CCRL2: variants seen among roughly 807,000 people sequenced by gnomAD.
The protein encoded by CCRL2 is C-C motif chemokine receptor like 2.
For synonymous variants in CCRL2, 181 were observed against 165.6 expected, an observed-to-expected ratio of 1.09 and a Z score of -0.71; for missense variants, 451 against 412.4, an observed-to-expected ratio of 1.09 and a Z score of -0.81.
Position 46,407,462 on chromosome 3 carries a change from C to G in CCRL2, c.-53C>G. On this transcript the variant is annotated 5_prime_UTR_variant, in exon 1 of 2. Coordinates refer to ENST00000399036, the MANE Select transcript of CCRL2 (RefSeq NM_003965.5). Reference sequence around the variant, plus strand: ...TTCCCACAGCTCCCGGATGCTGGGTCTGGAGGCTGCGCCCTTCCCCTGCAG... The same window carrying G: ...TTCCCACAGCTCCCGGATGCTGGGTGTGGAGGCTGCGCCCTTCCCCTGCAG... 3.5e-6 allele frequency: 2 copies of G among 575,368 alleles called. No homozygotes were observed. The highest frequency in any genetic ancestry group is 4.5e-5 in the South Asian group (2 of 44,612). 35.6% of individuals were successfully genotyped at this position (575,368 alleles called of 1,614,324 possible).
At position 46,409,034 on chromosome 3, in the gene CCRL2, A is replaced by G. The variant is rs760595211; in HGVS notation, c.955A>G (p.Ser319Gly). The change falls in exon 2 of 2, where the codon AGT becomes GGT. Residue 319 changes from serine to glycine, a missense_variant. Physicochemically the swap from Ser to Gly is moderately conservative, Grantham distance 56. Coordinates refer to ENST00000399036, the MANE Select transcript of CCRL2 (RefSeq NM_003965.5). ...KYLCRCFHLR[S>G]NTPLQPRGQS... ...CCTCTGCCGCTGTTTCCATCTGCGTAGTAACACCCCACTTCAACCCAGGGG... is the reference window on the plus strand; with the variant it reads ...CCTCTGCCGCTGTTTCCATCTGCGTGGTAACACCCCACTTCAACCCAGGGG... 3 of 1,614,214 alleles carry G rather than the reference A, an allele frequency of 1.9e-6. No homozygotes were observed. The highest frequency in any genetic ancestry group is 2.5e-6 in the Non-Finnish European group (3 of 1,180,032).
In CCRL2 at chr3:46,408,379, T is replaced by C. The variant is rs1434916705; in HGVS notation, c.300T>C (p.Asp100=). ...TLPFWAHAGG[D]PMCKILIGLY... ...CCTTCTGGGCTCATGCTGGGGGCGA[T>C]CCCATGTGTAAAATTCTCATTGGAC... The change falls in exon 2 of 2, where the codon GAT becomes GAC. Residue 100 remains aspartate (D), a synonymous_variant. Coordinates refer to ENST00000399036, the MANE Select transcript of CCRL2 (RefSeq NM_003965.5). 7 of 1,614,126 alleles carry C rather than the reference T, an allele frequency of 4.3e-6. No homozygotes were observed. In the African/African-American group the frequency reaches 9.3e-5, roughly 22 times the overall value.
At position 46,408,303 on chromosome 3, in the gene CCRL2, T is replaced by C. The variant is rs757776088; in HGVS notation, c.224T>C (p.Ile75Thr). 2 of 1,614,232 alleles carry C rather than the reference T, an allele frequency of 1.2e-6. No homozygotes were observed. The highest frequency in any genetic ancestry group is 4.5e-5 in the East Asian group (2 of 44,892). ...AAAGGACTCAAACGCGTGGAAAATA[T>C]CTATCTTCTAAACTTGGCAGTTTCT... ...KYKGLKRVENIYLLNLAVSNL... is the reference protein window; with the variant it reads ...KYKGLKRVENTYLLNLAVSNL... Residue 75 changes from isoleucine (I) to threonine (T), a missense_variant, in exon 2 of 2, where the codon ATC becomes ACC. Physicochemically the swap from Ile to Thr is moderately conservative, Grantham distance 89 (BLOSUM62 -1). Coordinates refer to ENST00000399036, the MANE Select transcript of CCRL2 (RefSeq NM_003965.5).
rs1702065439 is a variant in CCRL2, at chr3:46,407,641, G to A, written c.-13+139G>A. 3.2e-6 allele frequency: 5 copies of A among 1,540,194 alleles called. No homozygotes were observed. In the African/African-American group the frequency reaches 4.2e-5, roughly 13 times the overall value. On this transcript the variant is annotated intron_variant, in intron 1 of 1. Coordinates refer to ENST00000399036, the MANE Select transcript of CCRL2 (RefSeq NM_003965.5). ...GCTGTCACAGGAAGCTGCTTCGGGG[G>A]GTGAGCAAACTTTTTAAAATGCAGA... is the stretch of plus-strand genomic sequence containing the variant.
chr3:46,408,709 C>G lies in CCRL2; in HGVS notation c.630C>G (p.Val210=), dbSNP rs1212359920. 6.2e-7 allele frequency: 1 copy of G among 1,614,140 alleles called. No individual in the cohort carries two copies. The highest frequency in any genetic ancestry group is 2.2e-5 in the East Asian group (1 of 44,888). The change falls in exon 2 of 2, where the codon GTC becomes GTG. Residue 210 remains valine (V), a synonymous_variant. Transcript: ENST00000399036. ...LTLKMNISVL[V]LPLFIFTFLY... ...TAAAAATGAACATTTCGGTTCTTGT[C>G]CTCCCCCTATTTATTTTTACATTTC...
rs1320025713 is a variant in CCRL2, at chr3:46,408,051, C to T, written c.-12-17C>T. The T allele has an allele frequency of 6.6e-7, 1 of 1,513,290 alleles. No homozygotes were observed. The highest frequency in any genetic ancestry group is 8.9e-7 in the Non-Finnish European group (1 of 1,125,732). 93.7% of individuals were successfully genotyped at this position (1,513,290 alleles called of 1,614,324 possible). On this transcript the variant is annotated splice_polypyrimidine_tract_variant and intron_variant, in intron 1 of 1. Transcript: ENST00000399036. ...GGCAGCTGTCGGAGGGGAAAATCAT[C>T]TCCCATTTCTCCACAGGGCAGTCTG...
intron 1 of CCRL2, chr3:46,407,729 A>G (rs1051479685): frequency 2.7e-6 from 4 of 1,468,306 alleles, no homozygotes; most frequent in Admixed American, 2.2e-5. Flanking sequence ...TTAATTATAT[A>G]TTTTCTTACA....
rs1425473498 is a variant in CCRL2, at chr3:46,408,977, T to A, written c.898T>A (p.Tyr300Asn). ...TTHCCINPLL[Y>N]AFLDGTFSKY... ...CCACTGCTGCATCAACCCTCTCCTG[T>A]ATGCGTTTCTTGATGGGACATTTAG... The change falls in exon 2 of 2, where the codon TAT (tyrosine) becomes AAT (asparagine). Residue 300 changes from tyrosine (Y) to asparagine (N), a missense_variant. Physicochemically the swap from Tyr to Asn is moderately radical, Grantham distance 143. Transcript: ENST00000399036. 6.2e-7 allele frequency: 1 copy of A among 1,614,196 alleles called. No homozygotes were observed. Among genetic ancestry groups the A allele is most frequent in the African/African-American group, 1.3e-5 (1 of 75,036 alleles).
In CCRL2 at chr3:46,409,331, G is replaced by A. The variant is rs1702108492; in HGVS notation, c.*217G>A. 8.6e-6 allele frequency: 5 copies of A among 584,614 alleles called. No individual in the cohort carries two copies. Among genetic ancestry groups the A allele is most frequent in the Non-Finnish European group, 1.6e-5 (5 of 321,834 alleles). 36.2% of individuals were successfully genotyped at this position (584,614 alleles called of 1,614,324 possible). On this transcript the variant is annotated 3_prime_UTR_variant, in exon 2 of 2. Coordinates refer to ENST00000399036, the MANE Select transcript of CCRL2 (RefSeq NM_003965.5). ...CCTCCTACCACTTGTCCATAGTGTG[G>A]ATAGGACTAGTCTCATTTCTCTGAG...
chr3:46,407,898 G>A, intron 1 of CCRL2, 170 bp from the exon 2 acceptor site: 1 of 672,862 alleles, frequency 1.5e-6, no homozygotes, highest in South Asian at 2.0e-5. Flanking sequence ...GGGGAAGTGG[G>A]CACACGTTAA....
Position 46,407,684 on chromosome 3 carries a change from G to A in CCRL2, c.-13+182G>A, listed in dbSNP as rs11574441. ...AATGCAGAAATTATGATCTACACCC[G>A]TTTCTTAAAAGTAAGCCATCGTACT... is the stretch of plus-strand genomic sequence containing the variant. On this transcript the variant is annotated intron_variant, in intron 1 of 1. Transcript: ENST00000399036. 19,126 of 1,543,028 alleles carry A rather than the reference G, an allele frequency of 0.012. 1,946 individuals carry two copies. The African/African-American group carries it at 0.23, about 18-fold the overall frequency.
chr3:46,407,520 C>A lies in CCRL2; in HGVS notation c.-13+18C>A. 1.5e-6 allele frequency: 1 copy of A among 669,048 alleles called. No homozygotes were observed. The highest frequency in any genetic ancestry group is 1.7e-5 in the South Asian group (1 of 57,306). The allele number at this position is 669,048 out of a possible 1,614,324, so 41.4% of individuals were successfully genotyped here. On this transcript the variant is annotated intron_variant, in intron 1 of 1. Transcript: ENST00000399036. The stretch of plus-strand genomic sequence containing the variant: ...GCCCAGTGGTAAGTCATCTGTGTGT[C>A]ATCTATGTATTTAACCCCTTATGGC...
chr3:46,407,826 G>A (rs1285894452), intron 1 of CCRL2: 28 of 776,556 alleles, frequency 3.6e-5, no homozygotes, highest in Non-Finnish European at 5.0e-5. Context: ...ATTTCCCGTG[G>A]CACCTGGCAC....
At position 46,409,151 on chromosome 3, in the gene CCRL2, A is replaced by G; in HGVS notation, c.*37A>G. 6.6e-7 allele frequency: 1 copy of G among 1,503,860 alleles called. No individual in the cohort carries two copies. The highest frequency in any genetic ancestry group is 2.3e-5 in the East Asian group (1 of 44,090). 93.2% of individuals were successfully genotyped at this position (1,503,860 alleles called of 1,614,324 possible). The stretch of plus-strand genomic sequence containing the variant: ...CCAAATGCAAGAAGAATAAACATGG[A>G]TTTTCATCTTTCTGCATTATTTCAT... On this transcript the variant is annotated 3_prime_UTR_variant, in exon 2 of 2. Transcript: ENST00000399036.
Position 46,408,232 on chromosome 3 carries a change from C to A in CCRL2, c.153C>A (p.Ile51=), listed in dbSNP as rs778301112. ...VPSLCSAVFV[I]GVLDNLLVVL... is the part of the protein sequence containing the mutation. Reference sequence around the variant, plus strand: ...CACTCTGCTCTGCTGTGTTTGTGATCGGTGTCCTGGACAATCTCCTGGTTG... The same window carrying A: ...CACTCTGCTCTGCTGTGTTTGTGATAGGTGTCCTGGACAATCTCCTGGTTG... Residue 51 remains isoleucine (I), a synonymous_variant, in exon 2 of 2, where the codon ATC becomes ATA. Coordinates refer to ENST00000399036, the MANE Select transcript of CCRL2 (RefSeq NM_003965.5). 3 of 1,614,064 alleles carry A rather than the reference C, an allele frequency of 1.9e-6. No individual in the cohort carries two copies. The Admixed American group carries it at 5.0e-5, about 27-fold the overall frequency.
intron 1 of CCRL2, chr3:46,407,756 G>A: frequency 7.5e-7 from 1 of 1,327,430 alleles, no homozygotes; most frequent in Non-Finnish European, 1.0e-6. Context: ...GTTCATGTAG[G>A]CAAGTCCTGT....
Position 46,408,992 on chromosome 3 carries a change from G to T in CCRL2, c.913G>T (p.Gly305Trp), listed in dbSNP as rs375723330. 14 of 1,613,992 alleles carry T rather than the reference G, an allele frequency of 8.7e-6. No individual in the cohort carries two copies. Among genetic ancestry groups the T allele is most frequent in the Middle Eastern group, 1.6e-4 (1 of 6,084 alleles). The change falls in exon 2 of 2, where the codon GGG becomes TGG. Residue 305 changes from glycine (G) to tryptophan (W), a missense_variant. Transcript: ENST00000399036. ...INPLLYAFLD[G>W]TFSKYLCRCF... ...CCCTCTCCTGTATGCGTTTCTTGAT[G>T]GGACATTTAGCAAATACCTCTGCCG...
chr3:46,407,946 C>T, intron 1 of CCRL2, 122 bp from the exon 2 acceptor site: 1 of 769,044 alleles, frequency 1.3e-6, no homozygotes, highest in Non-Finnish European at 2.1e-6. Context: ...TAGGGAATTA[C>T]TCTGGCTAAA....
At chr3:46,407,854 T>C (rs1367290422) in intron 1 of CCRL2, 2 of 691,054 alleles carry the variant, frequency 2.9e-6, no homozygotes, top group Non-Finnish European at 2.4e-6. Context: ...AGCACTTACA[T>C]GCTTAACAAC....
Sources: allele counts gnomAD v4.1 joint callset, GRCh38; gene constraint gnomAD v4.1.1; transcripts MANE v1.5; gene names NCBI Gene and HGNC (gene_info 2026-07-23, HGNC 2026-07-21).